The following CACNA2D3 variants were observed in gnomAD, a reference collection of about 807,000 sequenced individuals.
The protein encoded by CACNA2D3 is voltage-dependent calcium channel subunit alpha-2/delta-3.
CACNA2D3 carries 60 observed loss-of-function variants against 160.6 expected under a neutral mutation model. The ratio of observed to expected loss-of-function variants is 0.37; its 90% confidence interval spans 0.30 to 0.46. CACNA2D3 has a LOEUF of 0.46. Among genes scored for constraint, CACNA2D3 ranks in the 20% least tolerant of loss-of-function variants. The pLI, the probability that CACNA2D3 is intolerant of heterozygous loss-of-function variation, is 1.00. For synonymous variants in CACNA2D3, 558 were observed against 492.9 expected, an observed-to-expected ratio of 1.13 and a Z score of -1.75; for missense variants, 1,205 against 1,365.0, an observed-to-expected ratio of 0.88 and a Z score of 1.85.
At chr3:54,979,473 T>C (rs1406783704) in intron 29 of CACNA2D3, among the ~76,000 whole-genome samples, 1 of 152,188 alleles carries the variant, frequency 6.6e-6, no homozygotes, top group Non-Finnish European at 1.5e-5. Context: ...AGGAACCAGG[T>C]AGAGAGAAAC....
intron 31 of CACNA2D3, among the ~76,000 whole-genome samples, chr3:54,990,362 C>T (rs1702712240): frequency 6.6e-6 from 1 of 152,168 alleles, no homozygotes; most frequent in Non-Finnish European, 1.5e-5. Flanking sequence ...GAAACGCTGT[C>T]TCTACTAAAG....
At chr3:54,416,503 A>T (rs1353231961) in intron 4 of CACNA2D3, among the ~76,000 whole-genome samples, 1 of 152,154 alleles carries the variant, frequency 6.6e-6, no homozygotes, top group African/African-American at 2.4e-5. Context: ...GCCACAGGTG[A>T]TTGGTTATCA....
intron 11 of CACNA2D3, among the ~76,000 whole-genome samples, chr3:54,692,030 A>G (rs902514116): frequency 7.9e-5 from 12 of 151,842 alleles, no homozygotes; most frequent in African/African-American, 2.4e-4. Context: ...GCTGGAGTAC[A>G]GTGGCGTGAC....
chr3:54,461,415 T>G lies in CACNA2D3; in HGVS notation c.382-42077T>G, dbSNP rs1480771835. 2.0e-5 allele frequency among the ~76,000 whole-genome samples: 3 copies of G among 151,540 alleles called. No individual in the cohort carries two copies. In the East Asian group the frequency reaches 5.8e-4, roughly 29 times the overall value. On this transcript the variant is annotated intron_variant, in intron 4 of 37. Transcript: ENST00000474759. ...TGAATCCATCTGGTCCTGGACTCTT[T>G]TTGATTGGTAAGCTATTGATTATTG... is the stretch of plus-strand genomic sequence containing the variant.
chr3:54,740,833 T>G (rs1321504182), intron 11 of CACNA2D3, among the ~76,000 whole-genome samples: 2 of 152,224 alleles, frequency 1.3e-5, no homozygotes, highest in East Asian at 1.9e-4. Context: ...AACTGTGCTA[T>G]CTTAGAATTC....
At position 54,123,604 on chromosome 3, in the gene CACNA2D3, CT is replaced by C; in HGVS notation, c.204+11del. On this transcript the variant is annotated intron_variant, in intron 2 of 37. Transcript: ENST00000474759. ...CCAGCTTCTGCAAAAGGTAAGGTTTCTGTGGTGGCAGGAAGCGATGATTTTT... is the reference window on the plus strand; with the variant it reads ...CCAGCTTCTGCAAAAGGTAAGGTTTCGTGGTGGCAGGAAGCGATGATTTTT... 1 of 1,609,844 alleles carries C rather than the reference CT, an allele frequency of 6.2e-7. No homozygotes were observed. The highest frequency in any genetic ancestry group is 8.5e-7 in the Non-Finnish European group (1 of 1,176,210).
At chr3:54,803,649 G>C (rs903536506) in intron 13 of CACNA2D3, among the ~76,000 whole-genome samples, 4 of 152,172 alleles carry the variant, frequency 2.6e-5, no homozygotes, top group Non-Finnish European at 5.9e-5. Flanking sequence ...TGATCCAGTA[G>C]AACTTCCCCA....
chr3:54,375,818 G>C (rs1193476418), intron 3 of CACNA2D3, among the ~76,000 whole-genome samples: 1 of 152,106 alleles, frequency 6.6e-6, no homozygotes, highest in African/African-American at 2.4e-5. Context: ...AGGATGCTGA[G>C]GGTTTCCAGA....
intron 2 of CACNA2D3, among the ~76,000 whole-genome samples, chr3:54,191,651 T>A (rs1178297682): frequency 6.6e-6 from 1 of 152,108 alleles, no homozygotes; most frequent in Non-Finnish European, 1.5e-5. Flanking sequence ...GCCTCCCTCA[T>A]GGACAGGTTG....
At chr3:54,349,612 A>G (rs1190162066) in intron 3 of CACNA2D3, among the ~76,000 whole-genome samples, 1 of 152,072 alleles carries the variant, frequency 6.6e-6, no homozygotes, top group Non-Finnish European at 1.5e-5. Flanking sequence ...CCTTATCTAT[A>G]CAATCACCCA....
intron 8 of CACNA2D3, among the ~76,000 whole-genome samples, chr3:54,577,690 C>T (rs1472495075): frequency 3.3e-5 from 5 of 152,178 alleles, no homozygotes; most frequent in Non-Finnish European, 5.9e-5. Flanking sequence ...CTCATTCTTA[C>T]GTGCCAGGTT....
intron 27 of CACNA2D3, among the ~76,000 whole-genome samples, chr3:54,947,807 T>C (rs1701652435): frequency 6.6e-6 from 1 of 152,132 alleles, no homozygotes; most frequent in Non-Finnish European, 1.5e-5. Flanking sequence ...CATTGCAATG[T>C]TTGGGGATGT....
intron 4 of CACNA2D3, among the ~76,000 whole-genome samples, chr3:54,394,546 A>G (rs1336998178): frequency 8.2e-6 from 1 of 121,460 alleles, no homozygotes; most frequent in Non-Finnish European, 1.7e-5. Flanking sequence ...TTCAATTCCC[A>G]CCTATGAGTG....
At chr3:54,949,633 A>G (rs1701705544) in intron 27 of CACNA2D3, among the ~76,000 whole-genome samples, 1 of 152,206 alleles carries the variant, frequency 6.6e-6, no homozygotes, top group Non-Finnish European at 1.5e-5. Flanking sequence ...CGCATTGGTC[A>G]CTTATTTCAG....
intron 9 of CACNA2D3, among the ~76,000 whole-genome samples, chr3:54,591,568 T>TTTG (rs5849044): frequency 4.9e-4 from 14 of 28,426 alleles, no homozygotes; most frequent in African/African-American, 4.1e-3. Context: ...TTGAAAAAAG[T>TTTG]TTTTTTTTTT....
intron 5 of CACNA2D3, among the ~76,000 whole-genome samples, chr3:54,558,195 G>A (rs182058387): frequency 6.6e-6 from 1 of 152,252 alleles, no homozygotes; most frequent in Non-Finnish European, 1.5e-5. Context: ...AACCTCATCC[G>A]TCCTCACCCC....
chr3:54,756,934 G>C (rs1015944829), intron 12 of CACNA2D3, among the ~76,000 whole-genome samples: 7 of 152,138 alleles, frequency 4.6e-5, no homozygotes, highest in Non-Finnish European at 1.5e-5. Context: ...GTCCTGTCTT[G>C]AGGGAACCAA....
intron 35 of CACNA2D3, among the ~76,000 whole-genome samples, chr3:55,051,748 A>G: frequency 6.6e-6 from 1 of 151,992 alleles, no homozygotes; most frequent in Non-Finnish European, 1.5e-5. Context: ...TGTGCTAGCA[A>G]TTAGCGAGAC....
intron 17 of CACNA2D3, among the ~76,000 whole-genome samples, chr3:54,853,457 G>T (rs774023352): frequency 6.6e-6 from 1 of 152,304 alleles, no homozygotes; most frequent in East Asian, 1.9e-4. Flanking sequence ...TCCTTGCTAC[G>T]TCGGGTGCAG....
Sources: allele counts gnomAD v4.1 joint callset (sites outside exome capture counted in the v4.1 genomes callset), GRCh38; gene constraint gnomAD v4.1.1; transcripts MANE v1.5; gene names NCBI Gene and HGNC (gene_info 2026-07-23, HGNC 2026-07-21).